The following AQR variants were observed in gnomAD, a reference collection of about 807,000 sequenced individuals.
AQR encodes aquarius intron-binding spliceosomal factor.
Under a neutral mutation model 180.5 loss-of-function variants are expected in AQR, and 61 were observed. The ratio of observed to expected loss-of-function variants is 0.34; its 90% CI spans 0.28 to 0.42. AQR has a LOEUF of 0.42. Ranked by LOEUF, AQR falls within the 10% of genes least tolerant of loss-of-function variation. AQR has a pLI of 1.00. For synonymous variants in AQR, 551 were observed against 588.8 expected (o/e 0.94, Z 0.93); for missense variants, 1,281 against 1,798.3 (o/e 0.71, Z 5.20).
Position 34,863,035 on chromosome 15 carries a change from G to A in AQR, c.3861C>T (p.Val1287=). ...RTRAVGHLRD[V]RRLVVAMSRA... Reference sequence around the variant, plus strand: ...TAGACATGGCCACTACCAAGCGACGGACATCCCTTTGGGAAATAAACAAAA... The same window carrying A: ...TAGACATGGCCACTACCAAGCGACGAACATCCCTTTGGGAAATAAACAAAA... The change falls in exon 33 of 35, where the codon GTC becomes GTT. Residue 1287 remains valine, a synonymous_variant. Transcript: ENST00000156471. 6.2e-7 allele frequency: 1 copy of A among 1,611,488 alleles called. No individual in the cohort carries two copies. Among genetic ancestry groups the A allele is most frequent in the Non-Finnish European group, 8.5e-7 (1 of 1,178,962 alleles).
chr15:34,860,449 T>C (rs1892653818), intron 33 of AQR, among the ~76,000 whole-genome samples: 1 of 151,780 alleles, frequency 6.6e-6, no homozygotes, highest in African/African-American at 2.4e-5. Flanking sequence ...GTGATTCCAT[T>C]GAAATTTAGA....
At chr15:34,958,312 AGAG>A in intron 3 of AQR, among the ~76,000 whole-genome samples, 1 of 152,292 alleles carries the variant, frequency 6.6e-6, no homozygotes, top group South Asian at 2.1e-4. Flanking sequence ...CTCAGGAGTG[AGAG>A]CAGCCTGGGC....
At chr15:34,968,467 C>T (rs2050324649) in intron 1 of AQR, among the ~76,000 whole-genome samples, 2 of 151,036 alleles carry the variant, frequency 1.3e-5, no homozygotes, top group African/African-American at 2.4e-5. Context: ...ACCGTGTTAG[C>T]CAGGATGGTC....
At chr15:34,929,823 C>T (rs1017849498) in intron 12 of AQR, among the ~76,000 whole-genome samples, 1 of 152,160 alleles carries the variant, frequency 6.6e-6, no homozygotes, top group Non-Finnish European at 1.5e-5. Context: ...AGCTCAAGAA[C>T]AAGATAAGAT....
intron 15 of AQR, among the ~76,000 whole-genome samples, chr15:34,917,890 G>A (rs1435420889): frequency 2.6e-5 from 4 of 151,622 alleles, no homozygotes; most frequent in African/African-American, 9.7e-5. Flanking sequence ...AGGCTGAAGT[G>A]GGAGGATCAC....
intron 13 of AQR, among the ~76,000 whole-genome samples, chr15:34,925,253 A>C (rs1893742974): frequency 6.6e-6 from 1 of 152,218 alleles, no homozygotes; most frequent in Non-Finnish European, 1.5e-5. Flanking sequence ...CAAGAAAAAA[A>C]CAGAAAAATG....
chr15:34,907,928 C>T (rs936890386), intron 17 of AQR, among the ~76,000 whole-genome samples: 2 of 152,146 alleles, frequency 1.3e-5, no homozygotes, highest in African/African-American at 2.4e-5. Context: ...CATCTTAGAT[C>T]CACATTTTTT....
Position 34,886,711 on chromosome 15 carries a change from G to A in AQR, c.2682-50C>T, listed in dbSNP as rs907526931. 8 of 1,539,724 alleles carry A rather than the reference G, an allele frequency of 5.2e-6. No homozygotes were observed. The African/African-American group carries it at 1.1e-4, about 22-fold the overall frequency. On this transcript the variant is annotated intron_variant, in intron 24 of 34. Transcript: ENST00000156471. ...GACAAAACTGTAATAAAGAGACTTT[G>A]AAGGAAACAATCAGCAAAATTCAAG...
intron 1 of AQR, 30 bp from the exon 2 acceptor site, chr15:34,964,320 C>T (rs1327820767): frequency 1.3e-6 from 2 of 1,551,752 alleles, no homozygotes; most frequent in Non-Finnish European, 1.8e-6. Context: ...AACAGTAAGT[C>T]CCAGATTCTT....
intron 30 of AQR, 130 bp downstream of exon 30, chr15:34,873,698 C>T: frequency 1.5e-6 from 1 of 667,180 alleles, no homozygotes; most frequent in Non-Finnish European, 2.4e-6. Flanking sequence ...ATCGATTTTT[C>T]ATATGCTATG....
At chr15:34,908,434 TAA>T (rs777237681) in intron 17 of AQR, among the ~76,000 whole-genome samples, 5 of 143,906 alleles carry the variant, frequency 3.5e-5, no homozygotes, top group African/African-American at 5.1e-5. Flanking sequence ...AGACTCCGTC[TAA>T]AAAAAAAAAA....
In AQR at chr15:34,874,657, T is replaced by C; in HGVS notation, c.3425+20A>G. On this transcript the variant is annotated intron_variant, in intron 29 of 34. Coordinates refer to ENST00000156471, the MANE Select transcript of AQR (RefSeq NM_014691.3). ...CAAATGTCCTTAAATGGGAATGATTTTTTTTCCTGTCTCTTTTACCTTGCT... is the reference window on the plus strand; with the variant it reads ...CAAATGTCCTTAAATGGGAATGATTCTTTTTCCTGTCTCTTTTACCTTGCT... 6 of 1,611,202 alleles carry C rather than the reference T, an allele frequency of 3.7e-6. No homozygotes were observed.
At chr15:34,962,054 A>C (rs1305016374) in intron 2 of AQR, among the ~76,000 whole-genome samples, 1 of 146,432 alleles carries the variant, frequency 6.8e-6, no homozygotes, top group African/African-American at 2.6e-5. Flanking sequence ...ATGGGGTCTC[A>C]CTCTGTCACC....
At position 34,934,557 on chromosome 15, in the gene AQR, G is replaced by A. The variant is rs373255859; in HGVS notation, c.783+14C>T. On this transcript the variant is annotated intron_variant, in intron 10 of 34. Coordinates refer to ENST00000156471, the MANE Select transcript of AQR (RefSeq NM_014691.3). The stretch of plus-strand genomic sequence containing the variant: ...AATGATTATATAACAAAAAAGTCAC[G>A]GTAGATTTCTTACCTCTAGATCAAT... The A allele has an allele frequency of 4.6e-5, 72 of 1,566,588 alleles. No homozygotes were observed. Among genetic ancestry groups the A allele is most frequent in the African/African-American group, 1.4e-4 (10 of 72,338 alleles).
At position 34,856,821 on chromosome 15, in the gene AQR, C is replaced by A; in HGVS notation, c.4429G>T (p.Ala1477Ser). ...APAEANTPQD[A>S]TSAPEETK ...TTGGTCTCTTCCGGGGCAGATGTGG[C>A]ATCCTGAGGTGTGTTAGCTTCTGCC... Residue 1477 changes from alanine (A) to serine (S), a missense_variant, in exon 35 of 35, where the codon GCC (alanine) becomes TCC (serine). This residue lies in a region of AQR where 182 missense variants were observed against 185.3 expected (regional missense o/e 0.98). Coordinates refer to ENST00000156471, the MANE Select transcript of AQR (RefSeq NM_014691.3). 6.3e-7 allele frequency: 1 copy of A among 1,576,906 alleles called. No homozygotes were observed. Among genetic ancestry groups the A allele is most frequent in the Non-Finnish European group, 8.6e-7 (1 of 1,161,596 alleles).
chr15:34,856,507 T>C lies in AQR; in HGVS notation c.*285A>G, dbSNP rs1595777410. On this transcript the variant is annotated 3_prime_UTR_variant, in exon 35 of 35. Transcript: ENST00000156471. ...CTAAAAATGTGAAGTATATATTATA[T>C]ATTCATAGAAAATGATTTTAATGTA... The C allele has an allele frequency of 4.8e-6, 2 of 415,408 alleles. No individual in the cohort carries two copies. Among genetic ancestry groups the C allele is most frequent in the Non-Finnish European group, 8.5e-6 (2 of 235,050 alleles). The allele number at this position is 415,408 out of a possible 1,614,324, so 25.7% of individuals were successfully genotyped here.
chr15:34,899,189 C>T (rs1206680902), intron 20 of AQR, among the ~76,000 whole-genome samples: 2 of 151,378 alleles, frequency 1.3e-5, no homozygotes, highest in African/African-American at 4.8e-5. Flanking sequence ...AAAAAAAAAT[C>T]CAAAAAACTA....
chr15:34,904,421 G>A lies in AQR; in HGVS notation c.1916C>T (p.Thr639Ile). 6.2e-7 allele frequency: 1 copy of A among 1,610,612 alleles called. No homozygotes were observed. The highest frequency in any genetic ancestry group is 8.5e-7 in the Non-Finnish European group (1 of 1,177,668). The change falls in exon 19 of 35, where the codon ACC (threonine) becomes ATC (isoleucine). Residue 639 changes from threonine (T) to isoleucine (I), a missense_variant. Transcript: ENST00000156471. Reference sequence around the variant, plus strand: ...CTCTGCTCCATTTTGTATAGTATTGGTCATATCTTGTTGATACTGGTTTGG... The same window carrying A: ...CTCTGCTCCATTTTGTATAGTATTGATCATATCTTGTTGATACTGGTTTGG... The part of the protein sequence containing the change: ...LDPNQYQQDM[T>I]NTIQNGAEDV...
At chr15:34,934,312 T>A (rs1893913032) in intron 10 of AQR, among the ~76,000 whole-genome samples, 1 of 148,426 alleles carries the variant, frequency 6.7e-6, no homozygotes, top group Non-Finnish European at 1.5e-5. Context: ...GGGCACCCAA[T>A]ATGTATTGTA....
Sources: gnomAD v4.1 joint callset for allele counts (sites outside exome capture counted in the v4.1 genomes callset) on GRCh38, gnomAD v4.1.1 for gene constraint, gnomAD v4.1.1 regional missense constraint, MANE v1.5 for transcripts, NCBI Gene and HGNC (gene_info 2026-07-23, HGNC 2026-07-21) for gene names.